The following ACOXL variants were observed in gnomAD, a reference collection of about 807,000 sequenced individuals.
ACOXL encodes the protein acyl-CoA oxidase like, also known as acyl-coenzyme A oxidase-like protein.
ACOXL carries 70 observed loss-of-function variants against 71.9 expected under a neutral mutation model. That is an observed-to-expected ratio of 0.97 (90% CI 0.80 to 1.19). The LOEUF (loss-of-function observed/expected upper bound fraction) is 1.19, where lower values mean the gene tolerates loss of function less well. ACOXL is among the 50% of genes most tolerant of loss of function. The pLI, the probability that ACOXL is intolerant of heterozygous loss-of-function variation, is 0.00. For synonymous variants in ACOXL, 253 were observed against 281.6 expected (o/e 0.90, Z 1.02); for missense variants, 703 against 736.3 (o/e 0.95, Z 0.52).
rs554489210 is a variant in ACOXL, at chr2:110,841,557, G to A, written c.788+152G>A. 5 of 629,102 alleles carry A rather than the reference G, an allele frequency of 7.9e-6. No individual in the cohort carries two copies. The South Asian group carries it at 1.0e-4, about 13-fold the overall frequency. 39.0% of individuals were successfully genotyped at this position (629,102 alleles called of 1,614,324 possible). ...TGGAATTGTTCTAGTTGCTTGATTG[G>A]CAAGAGCACATTGCTATTTAGAGGA... On this transcript the variant is annotated intron_variant, in intron 10 of 17. Coordinates refer to ENST00000439055, the MANE Select transcript of ACOXL (RefSeq NM_001142807.4).
At chr2:111,085,408 A>G (rs1359287531) in intron 16 of ACOXL, among the ~76,000 whole-genome samples, 2 of 152,214 alleles carry the variant, frequency 1.3e-5, no homozygotes, top group South Asian at 2.1e-4. Flanking sequence ...TAAAAGTAGA[A>G]ATCAAGACTA....
chr2:110,901,109 G>A (rs1217850855), intron 10 of ACOXL, among the ~76,000 whole-genome samples: 1 of 152,240 alleles, frequency 6.6e-6, no homozygotes, highest in Non-Finnish European at 1.5e-5. Flanking sequence ...TCCAGCAGCA[G>A]AGTGTCAGCC....
intron 11 of ACOXL, among the ~76,000 whole-genome samples, chr2:110,915,380 G>A (rs957619199): frequency 2.3e-5 from 3 of 131,252 alleles, no homozygotes; most frequent in African/African-American, 8.2e-5. Context: ...GTGTGTGTGT[G>A]TATGTATGTG....
intron 16 of ACOXL, among the ~76,000 whole-genome samples, chr2:111,066,916 G>A (rs2067100675): frequency 6.6e-6 from 1 of 152,066 alleles, no homozygotes; most frequent in African/African-American, 2.4e-5. Flanking sequence ...AAATCCAGGA[G>A]AAATCCCAGA....
At chr2:110,988,309 C>G (rs922809244) in intron 13 of ACOXL, among the ~76,000 whole-genome samples, 13 of 152,034 alleles carry the variant, frequency 8.6e-5, no homozygotes, top group African/African-American at 3.1e-4. Context: ...GGCGTGGTGG[C>G]ACATGCCTGT....
chr2:110,790,544 G>A (rs1044105970), intron 3 of ACOXL, among the ~76,000 whole-genome samples: 2 of 152,192 alleles, frequency 1.3e-5, no homozygotes, highest in African/African-American at 4.8e-5. Context: ...AGCAAGGTGG[G>A]TGCATGTTTG....
At chr2:110,930,237 C>T (rs770481326) in intron 11 of ACOXL, among the ~76,000 whole-genome samples, 3 of 152,328 alleles carry the variant, frequency 2.0e-5, no homozygotes, top group Non-Finnish European at 2.9e-5. Flanking sequence ...GTGATCTGGA[C>T]GTGAGACAAA....
chr2:111,020,457 G>A (rs372000755), intron 14 of ACOXL, among the ~76,000 whole-genome samples: 118 of 152,372 alleles, frequency 7.7e-4, no homozygotes, highest in African/African-American at 2.8e-3. Flanking sequence ...TTGAAACCAG[G>A]AGGAGGTAGT....
chr2:110,826,236 T>C (rs1468238048), intron 9 of ACOXL, among the ~76,000 whole-genome samples: 3 of 152,264 alleles, frequency 2.0e-5, no homozygotes, highest in Admixed American at 2.0e-4. Flanking sequence ...GCGCCCCTTG[T>C]TCACACACCT....
intron 17 of ACOXL, among the ~76,000 whole-genome samples, chr2:111,106,782 T>G (rs1277462000): frequency 6.6e-6 from 1 of 152,190 alleles, no homozygotes; most frequent in Non-Finnish European, 1.5e-5. Flanking sequence ...TCCAAAGGGC[T>G]GGGGACTCCT....
chr2:110,819,342 C>T (rs1688335858), intron 9 of ACOXL, among the ~76,000 whole-genome samples: 1 of 151,992 alleles, frequency 6.6e-6, no homozygotes, highest in Non-Finnish European at 1.5e-5. Context: ...TTCAGGAGCA[C>T]CTTGGTTAAA....
intron 13 of ACOXL, 48 bp from the exon 14 acceptor site, chr2:110,995,845 C>A (rs1478412551): frequency 2.1e-6 from 3 of 1,461,006 alleles, no homozygotes; most frequent in South Asian, 1.1e-5. Flanking sequence ...AAATGAAATT[C>A]TTGGTGAGGC....
chr2:110,843,315 T>C (rs1691402824), intron 10 of ACOXL, among the ~76,000 whole-genome samples: 1 of 152,216 alleles, frequency 6.6e-6, no homozygotes, highest in South Asian at 2.1e-4. Flanking sequence ...CCACCATGCC[T>C]GGCCAATGTA....
At chr2:110,820,430 A>C (rs1688456272) in intron 9 of ACOXL, among the ~76,000 whole-genome samples, 1 of 152,126 alleles carries the variant, frequency 6.6e-6, no homozygotes, top group African/African-American at 2.4e-5. Context: ...GAGGGACAGA[A>C]AGTCTGAAGA....
intron 10 of ACOXL, among the ~76,000 whole-genome samples, chr2:110,868,453 G>T (rs909451328): frequency 3.9e-5 from 6 of 152,124 alleles, no homozygotes; most frequent in Non-Finnish European, 8.8e-5. Flanking sequence ...GATTCCTTTG[G>T]CAGGAACGCT....
intron 12 of ACOXL, among the ~76,000 whole-genome samples, chr2:110,984,635 C>T (rs1415990149): frequency 2.0e-5 from 3 of 152,216 alleles, no homozygotes; most frequent in Non-Finnish European, 4.4e-5. Context: ...TTAAGTTTAG[C>T]ACCTGAACTT....
chr2:111,106,222 A>G (rs1008343896), intron 17 of ACOXL, among the ~76,000 whole-genome samples: 1 of 152,134 alleles, frequency 6.6e-6, no homozygotes, highest in Admixed American at 6.6e-5. Flanking sequence ...TTTTCTGTCT[A>G]TTATTGAGGT....
intron 15 of ACOXL, among the ~76,000 whole-genome samples, chr2:111,040,113 C>G (rs953634211): frequency 3.1e-4 from 47 of 152,116 alleles, no homozygotes; most frequent in Non-Finnish European, 1.5e-5. Context: ...AAGGAGACAC[C>G]CAGGTTCTGC....
intron 10 of ACOXL, among the ~76,000 whole-genome samples, chr2:110,858,897 A>C (rs1002273644): frequency 6.6e-6 from 1 of 152,066 alleles, no homozygotes; most frequent in African/African-American, 2.4e-5. Flanking sequence ...CTGCCTTCTC[A>C]TTTTCCTTCA....
Sources: allele counts gnomAD v4.1 joint callset (sites outside exome capture counted in the v4.1 genomes callset), GRCh38; gene constraint gnomAD v4.1.1; transcripts MANE v1.5; gene names NCBI Gene and HGNC (gene_info 2026-07-23, HGNC 2026-07-21).